LIMS1: variants seen among roughly 807,000 people sequenced by gnomAD.
LIMS1 encodes LIM zinc finger domain containing 1.
LIMS1 carries 18 observed loss-of-function variants against 44.1 expected under a neutral mutation model. The observed-to-expected ratio is 0.41, with a 90% CI of 0.28 to 0.61. The LOEUF (loss-of-function observed/expected upper bound fraction) is 0.61, where lower values mean the gene tolerates loss of function less well. Among genes scored for constraint, LIMS1 ranks in the 20% least tolerant of loss-of-function variants. The pLI, the probability that LIMS1 is intolerant of heterozygous loss-of-function variation, is 0.32. For missense variants in LIMS1, 201 were observed against 422.0 expected (o/e 0.48, Z 4.59); for synonymous variants, 93 against 149.1 (o/e 0.62, Z 2.74).
chr2:108,654,621 T>A (rs1249573961), intron 1 of LIMS1, among the ~76,000 whole-genome samples: 1 of 152,120 alleles, frequency 6.6e-6, no homozygotes, highest in Non-Finnish European at 1.5e-5. Flanking sequence ...GGAGAGCTTG[T>A]CAGGGGATGT....
At chr2:108,560,325 C>T (rs1685068575) in intron 1 of LIMS1, among the ~76,000 whole-genome samples, 1 of 152,170 alleles carries the variant, frequency 6.6e-6, no homozygotes, top group African/African-American at 2.4e-5. Flanking sequence ...CTCCATTTTA[C>T]CCTAAGGAAA....
chr2:108,588,809 C>T (rs935865515), intron 1 of LIMS1, among the ~76,000 whole-genome samples: 3 of 152,042 alleles, frequency 2.0e-5, no homozygotes, highest in African/African-American at 7.2e-5. Context: ...GATTGTGGTT[C>T]TTATATCTTG....
chr2:108,534,410 C>CT (rs2104555275), exon 1 of LIMS1: 1 of 409,198 alleles, frequency 2.4e-6, no homozygotes, highest in Non-Finnish European at 3.7e-6. Context: ...CTTCCCCCCC[C>CT]TCCCGCGCCC....
chr2:108,561,495 G>A (rs955026403), intron 1 of LIMS1, among the ~76,000 whole-genome samples: 10 of 152,010 alleles, frequency 6.6e-5, no homozygotes, highest in Non-Finnish European at 1.2e-4. Context: ...TAGGGGTGGG[G>A]GTGTATGCAT....
At chr2:108,543,083 C>T (rs1235482515) in intron 1 of LIMS1, among the ~76,000 whole-genome samples, 2 of 152,184 alleles carry the variant, frequency 1.3e-5, no homozygotes, top group Non-Finnish European at 2.9e-5. Flanking sequence ...GACACATTGT[C>T]TAATATTGTA....
intron 1 of LIMS1, among the ~76,000 whole-genome samples, chr2:108,622,344 G>GTTTAT (rs1474723529): frequency 6.6e-6 from 1 of 152,090 alleles, no homozygotes; most frequent in Admixed American, 6.5e-5. Flanking sequence ...AACTTCCAGA[G>GTTTAT]TTTATTTTAA....
chr2:108,583,653 A>G (rs548144459), intron 1 of LIMS1, among the ~76,000 whole-genome samples: 1 of 151,564 alleles, frequency 6.6e-6, no homozygotes, highest in Admixed American at 6.6e-5. Flanking sequence ...GTCCATTCAG[A>G]ATAGTCTGTG....
chr2:108,543,407 T>C (rs1684380331), intron 1 of LIMS1, among the ~76,000 whole-genome samples: 1 of 152,218 alleles, frequency 6.6e-6, no homozygotes, highest in South Asian at 2.1e-4. Context: ...GCTAAACAAG[T>C]CAGTGCCCTT....
rs113678349 is a variant in LIMS1 at position 108,673,286 on chromosome 2, G to A, written c.530+257G>A. The A allele has an allele frequency of 2.3e-3, 1,335 of 587,182 alleles. 7 individuals carry two copies. The highest frequency in any genetic ancestry group is 2.6e-3 in the Non-Finnish European group (879 of 335,562). 36.4% of individuals were successfully genotyped at this position (587,182 alleles called of 1,614,324 possible). On this transcript the variant is annotated intron_variant, in intron 5 of 9. Coordinates refer to ENST00000544547, the Ensembl canonical transcript of LIMS1. Reference sequence around the variant, plus strand: ...TTCACCCTCCTATGTATGTGTGCACGTGTGCCTGTATACGCATACCTCTAA... The same window carrying A: ...TTCACCCTCCTATGTATGTGTGCACATGTGCCTGTATACGCATACCTCTAA...
In LIMS1 at chr2:108,667,551, A is replaced by AAATATATATAT. The variant is rs765279788; in HGVS notation, c.193-3229_193-3228insATATATATATA. Among the ~76,000 whole-genome samples the AAATATATATAT allele has an allele frequency of 2.7e-3, 356 of 130,452 alleles. 2 individuals are homozygous for AAATATATATAT. The highest frequency in any genetic ancestry group is 0.016 in the Middle Eastern group (4 of 244). The allele number at this position is 130,452 out of a possible 152,430, so 85.6% of individuals were successfully genotyped here. A position where few individuals can be genotyped will look rare whatever the true frequency, so the allele number is the denominator to read the frequency against. On this transcript the variant is annotated intron_variant, in intron 2 of 9. Coordinates refer to ENST00000544547, the Ensembl canonical transcript of LIMS1. ...TTCAACCTTTTTTAAAAAAAAAAAAAATATATATATATATATATACTGCTG... is the reference window on the plus strand; with the variant it reads ...TTCAACCTTTTTTAAAAAAAAAAAAAAATATATATATATATATATATATATATATACTGCTG...
intron 1 of LIMS1, among the ~76,000 whole-genome samples, 193 bp downstream of exon 1, chr2:108,534,787 T>A (rs953601736): frequency 6.6e-6 from 1 of 151,802 alleles, no homozygotes; most frequent in Non-Finnish European, 1.5e-5. Flanking sequence ...AGGAGACGGC[T>A]GCTGTTCACT....
At chr2:108,656,318 T>TATCTATAGATAGATAG (rs1183151702) in intron 1 of LIMS1, among the ~76,000 whole-genome samples, 3 of 84,256 alleles carry the variant, frequency 3.6e-5, no homozygotes, top group African/African-American at 1.0e-4. Flanking sequence ...TCTATCTATC[T>TATCTATAGATAGATAG]ATAGATAGAT....
intron 7 of LIMS1, 147 bp downstream of exon 7, chr2:108,676,845 C>T: frequency 1.4e-6 from 1 of 730,518 alleles, no homozygotes; most frequent in Admixed American, 3.5e-5. Flanking sequence ...ATTTCAGACT[C>T]AGAAGCTAAC....
intron 1 of LIMS1, among the ~76,000 whole-genome samples, chr2:108,647,509 A>G (rs1449476697): frequency 6.6e-6 from 1 of 152,156 alleles, no homozygotes; most frequent in Non-Finnish European, 1.5e-5. Context: ...GAGACACAAC[A>G]AAAAAAGAAA....
chr2:108,588,034 T>C (rs1686191340), intron 1 of LIMS1, among the ~76,000 whole-genome samples: 1 of 152,224 alleles, frequency 6.6e-6, no homozygotes. Flanking sequence ...GGCCAGAGGC[T>C]ATCATTTTTT....
rs546617468 is a variant in LIMS1, at chr2:108,667,538, TAA to T, written c.193-3230_193-3229del. Among the ~76,000 whole-genome samples, 962 of 128,536 alleles carry T rather than the reference TAA, an allele frequency of 7.5e-3. 13 individuals are homozygous for T. Among genetic ancestry groups the T allele is most frequent in the Admixed American group, 0.02 (266 of 13,072 alleles). The allele number at this position is 128,536 out of a possible 152,430, so 84.3% of individuals were successfully genotyped here. A position where few individuals can be genotyped will look rare whatever the true frequency, so the allele number is the denominator to read the frequency against. ...CAGTGATTATATTTTCAACCTTTTT[TAA>T]AAAAAAAAAAAATATATATATATAT... is the stretch of plus-strand genomic sequence containing the variant. On this transcript the variant is annotated intron_variant, in intron 2 of 9. Coordinates refer to ENST00000544547, the Ensembl canonical transcript of LIMS1.
At chr2:108,560,942 A>G (rs1685090509) in intron 1 of LIMS1, among the ~76,000 whole-genome samples, 1 of 152,088 alleles carries the variant, frequency 6.6e-6, no homozygotes, top group African/African-American at 2.4e-5. Context: ...ATAAATAACC[A>G]TTGGTTTTGC....
intron 1 of LIMS1, among the ~76,000 whole-genome samples, chr2:108,617,622 T>G (rs1320513176): frequency 1.3e-5 from 2 of 152,206 alleles, no homozygotes; most frequent in Admixed American, 1.3e-4. Flanking sequence ...GTGACTGTCT[T>G]CCATGTCCCT....
chr2:108,683,805 C>T, intron 9 of LIMS1, 80 bp from the exon 10 acceptor site: 1 of 700,960 alleles, frequency 1.4e-6, no homozygotes, highest in Middle Eastern at 4.0e-4. Flanking sequence ...TAGTTCAGTA[C>T]AATTACTGCA....
Sources: gnomAD v4.1 joint callset for allele counts (sites outside exome capture counted in the v4.1 genomes callset) on GRCh38, gnomAD v4.1.1 for gene constraint, MANE v1.5 for transcripts, NCBI Gene and HGNC (gene_info 2026-07-23, HGNC 2026-07-21) for gene names.